Variants in ORC3 observed in about 807,000 individuals in gnomAD.
ORC3 encodes homolog of latheo, Drosophila.
A neutral mutation model predicts 100.7 loss-of-function variants in ORC3; 78 were observed. The ratio of observed to expected loss-of-function variants is 0.77; its 90% confidence interval spans 0.65 to 0.94. The LOEUF is 0.94. Among genes scored for constraint, ORC3 ranks in the 40% least tolerant of loss-of-function variants. The pLI is 0.00. For synonymous variants in ORC3, 295 were observed against 289.3 expected, an observed-to-expected ratio of 1.02 and a Z score of -0.20; for missense variants, 789 against 823.9, an observed-to-expected ratio of 0.96 and a Z score of 0.52.
Position 87,658,020 on chromosome 6 carries a change from T to C in ORC3, c.1691+2T>C. On this transcript the variant is annotated splice_donor_variant, in intron 16 of 19. Coordinates refer to ENST00000392844, the MANE Select transcript of ORC3 (RefSeq NM_012381.4). LOFTEE classifies it high-confidence loss of function. The stretch of plus-strand genomic sequence containing the variant: ...GAACTTCATTGACTGTCTAGTGAGG[T>C]AAGTCTAAATTTAGCTCTTAAGAGC... The C allele has an allele frequency of 1.3e-6, 2 of 1,540,868 alleles. No individual in the cohort carries two copies. Among genetic ancestry groups the C allele is most frequent in the Non-Finnish European group, 1.8e-6 (2 of 1,114,848 alleles).
chr6:87,644,079 C>CTTTTTTTTTTTTTTTTTTTTT (rs1156943778), intron 13 of ORC3, among the ~76,000 whole-genome samples: 3 of 51,390 alleles, frequency 5.8e-5, no homozygotes, highest in African/African-American at 9.5e-5. Flanking sequence ...GCTGACTGTC[C>CTTTTTTTTTTTTTTTTTTTTT]TTTTTTTTTT....
intron 19 of ORC3, among the ~76,000 whole-genome samples, chr6:87,666,190 A>ATG (rs1770589987): frequency 6.6e-6 from 1 of 151,496 alleles, no homozygotes; most frequent in East Asian, 1.9e-4. Context: ...GGAGTGCAGT[A>ATG]GTGCGATCTT....
At chr6:87,613,420 A>G (rs7757794) in intron 8 of ORC3, among the ~76,000 whole-genome samples, 91,115 of 151,994 alleles carry the variant, frequency 0.6, 27,942 homozygotes, top group African/African-American at 0.72. Context: ...TGGGGACACA[A>G]CCAAACCATA....
chr6:87,610,529 AATATACT>A (rs1778668568), intron 7 of ORC3, among the ~76,000 whole-genome samples: 1 of 149,786 alleles, frequency 6.7e-6, no homozygotes, highest in Admixed American at 6.6e-5. Context: ...CTAATTTACT[AATATACT>A]TTATTTTTTT....
At chr6:87,671,799 C>T (rs1308190037), downstream of ORC3, among the ~76,000 whole-genome samples, 3 of 152,086 alleles carry the variant, frequency 2.0e-5, no homozygotes, top group South Asian at 2.1e-4. Context: ...AGAGAGGAGA[C>T]GAACTCTAAT....
chr6:87,601,560 C>T (rs1369286117), intron 2 of ORC3, among the ~76,000 whole-genome samples: 2 of 151,952 alleles, frequency 1.3e-5, no homozygotes, highest in Non-Finnish European at 2.9e-5. Flanking sequence ...GTCACAGCCA[C>T]TCGGGAGGCT....
At chr6:87,618,032 T>G (rs1195432811) in intron 9 of ORC3, among the ~76,000 whole-genome samples, 6 of 152,272 alleles carry the variant, frequency 3.9e-5, no homozygotes, top group Non-Finnish European at 7.3e-5. Flanking sequence ...TTCTTTAATT[T>G]CATTTCATTC....
intron 9 of ORC3, among the ~76,000 whole-genome samples, chr6:87,620,846 T>C (rs1258375147): frequency 6.6e-6 from 1 of 152,222 alleles, no homozygotes; most frequent in East Asian, 1.9e-4. Context: ...TACCAGATAG[T>C]ACACCATGTT....
chr6:87,592,716 T>G lies in ORC3; in HGVS notation c.25-1637T>G, dbSNP rs187126961. ...CTACTTTATAGTTGCACAGCGGTCTTTAACACTATCCTGAGACAACTTTTC... is the reference window on the plus strand; with the variant it reads ...CTACTTTATAGTTGCACAGCGGTCTGTAACACTATCCTGAGACAACTTTTC... On this transcript the variant is annotated intron_variant, in intron 1 of 19. Transcript: ENST00000392844. Among the ~76,000 whole-genome samples, 21 of 152,342 alleles carry G rather than the reference T, an allele frequency of 1.4e-4. No homozygotes were observed. In the East Asian group the frequency reaches 3.9e-3, roughly 28 times the overall value.
At chr6:87,641,878 T>C (rs555902086) in intron 13 of ORC3, among the ~76,000 whole-genome samples, 11 of 152,338 alleles carry the variant, frequency 7.2e-5, no homozygotes, top group Non-Finnish European at 1.5e-4. Flanking sequence ...CAACTTTAGG[T>C]GATATTTAAA....
At chr6:87,669,139 AAG>A (rs1373428389), downstream of ORC3, among the ~76,000 whole-genome samples, 5 of 152,224 alleles carry the variant, frequency 3.3e-5, no homozygotes, top group Non-Finnish European at 2.9e-5. Context: ...CCTGGGCAGA[AAG>A]AGTGAAACTC....
At chr6:87,593,239 T>A (rs1383916215) in intron 1 of ORC3, among the ~76,000 whole-genome samples, 4 of 152,182 alleles carry the variant, frequency 2.6e-5, no homozygotes, top group African/African-American at 9.7e-5. Flanking sequence ...GCTGGGAAAT[T>A]ACCAGGACAG....
the ORC3 span, chr6:87,675,834 T>C: frequency 1.9e-6 from 3 of 1,600,758 alleles, no homozygotes; most frequent in Non-Finnish European, 2.6e-6. Flanking sequence ...ATTTTCAGTT[T>C]ATAACTTCAA....
Position 87,653,176 on chromosome 6 carries a change from T to C in ORC3, c.1443T>C (p.Ser481=), listed in dbSNP as rs749158166. 9 of 1,613,648 alleles carry C rather than the reference T, an allele frequency of 5.6e-6. No individual in the cohort carries two copies. The highest frequency in any genetic ancestry group is 7.6e-6 in the Non-Finnish European group (9 of 1,179,668). Residue 481 remains serine, a synonymous_variant, in exon 14 of 20, where the codon TCT becomes TCC. Transcript: ENST00000392844. ...AGAAATGTTTCAAGGTTTTTAAGTC[T>C]TATTGTGAAAACCACCTTGGCAGCA... ...ILEKCFKVFK[S]YCENHLGSTA...
chr6:87,618,264 G>A lies in ORC3; in HGVS notation c.987+1837G>A, dbSNP rs917136047. On this transcript the variant is annotated intron_variant, in intron 9 of 19. Coordinates refer to ENST00000392844, the MANE Select transcript of ORC3 (RefSeq NM_012381.4). ...TCTCTACTAAAAATACAAAAAATTA[G>A]CCAGGCATGGTGGCGCATGCCTCTA... is the stretch of plus-strand genomic sequence containing the variant. Among the ~76,000 whole-genome samples, 2 of 152,248 alleles carry A rather than the reference G, an allele frequency of 1.3e-5. 1 individual carries two copies. Among genetic ancestry groups the A allele is most frequent in the Admixed American group, 1.3e-4 (2 of 15,290 alleles).
At position 87,616,336 on chromosome 6, in the gene ORC3, C is replaced by G; in HGVS notation, c.896C>G (p.Pro299Arg). ...LDKLLLTTQF[P>R]FKINEKVLQV... is the part of the protein sequence containing the mutation. ...CAGCTACTTCTTACAACTCAGTTTCCCTTTAAAATAAATGAAAAAGTATTA... is the reference window on the plus strand; with the variant it reads ...CAGCTACTTCTTACAACTCAGTTTCGCTTTAAAATAAATGAAAAAGTATTA... The change falls in exon 9 of 20, where the codon CCC becomes CGC. Residue 299 changes from proline to arginine, a missense_variant. By Grantham distance (103) the Pro-to-Arg change is moderately radical. Transcript: ENST00000392844. The G allele has an allele frequency of 2.1e-6, 3 of 1,461,042 alleles. No individual in the cohort carries two copies. The highest frequency in any genetic ancestry group is 2.9e-6 in the Non-Finnish European group (3 of 1,042,050). 90.5% of individuals were successfully genotyped at this position (1,461,042 alleles called of 1,614,324 possible).
At chr6:87,602,986 AT>A (rs1275277821) in intron 3 of ORC3, among the ~76,000 whole-genome samples, 10 of 97,372 alleles carry the variant, frequency 1.0e-4, no homozygotes, top group Non-Finnish European at 1.3e-4. Flanking sequence ...TATATATACA[AT>A]TTTTTTTTTT....
intron 8 of ORC3, among the ~76,000 whole-genome samples, chr6:87,615,291 C>T (rs1005586545): frequency 6.6e-6 from 1 of 152,122 alleles, no homozygotes; most frequent in Non-Finnish European, 1.5e-5. Context: ...CAGGTCCCTC[C>T]CACAGCACTT....
chr6:87,647,171 T>G (rs1189140651), intron 13 of ORC3, among the ~76,000 whole-genome samples: 1 of 152,188 alleles, frequency 6.6e-6, no homozygotes, highest in South Asian at 2.1e-4. Flanking sequence ...ATGTTACTCC[T>G]TTGCTCAAAA....
Sources: allele counts gnomAD v4.1 joint callset (sites outside exome capture counted in the v4.1 genomes callset), GRCh38; gene constraint gnomAD v4.1.1; transcripts MANE v1.5; gene names NCBI Gene and HGNC (gene_info 2026-07-23, HGNC 2026-07-21).